Variants in FRMD4A observed in about 807,000 individuals in gnomAD.
FRMD4A encodes the protein FERM domain containing 4A.
Under a neutral mutation model 129.1 loss-of-function variants are expected in FRMD4A, and 29 were observed. That is an observed-to-expected ratio of 0.22 (90% CI 0.17 to 0.31). The LOEUF (loss-of-function observed/expected upper bound fraction) is 0.31, where lower values mean the gene tolerates loss of function less well. Ranked by LOEUF, FRMD4A falls within the 10% of genes least tolerant of loss-of-function variation. The pLI, the probability that FRMD4A is intolerant of heterozygous loss-of-function variation, is 1.00. For synonymous variants in FRMD4A, 634 were observed against 571.6 expected, an observed-to-expected ratio of 1.11 and a Z score of -1.56; for missense variants, 1,272 against 1,375.8, an observed-to-expected ratio of 0.92 and a Z score of 1.19.
At chr10:13,780,822 A>C (rs1332971356) in intron 6 of FRMD4A, among the ~76,000 whole-genome samples, 1 of 152,228 alleles carries the variant, frequency 6.6e-6, no homozygotes, top group Admixed American at 6.5e-5. Context: ...ATGATCTGGC[A>C]ATACCACCTA....
At chr10:14,187,185 A>T (rs1345491001) in intron 2 of FRMD4A, among the ~76,000 whole-genome samples, 1 of 151,554 alleles carries the variant, frequency 6.6e-6, no homozygotes, top group African/African-American at 2.4e-5. Flanking sequence ...GGAGGGCGAC[A>T]CTCTTCCTTA....
At chr10:14,040,900 GAGA>G (rs1833753921) in intron 2 of FRMD4A, among the ~76,000 whole-genome samples, 1 of 152,200 alleles carries the variant, frequency 6.6e-6, no homozygotes. Context: ...TACAGGGTGT[GAGA>G]AGAAGGAAGG....
chr10:13,827,737 T>C (rs1009525976), intron 3 of FRMD4A, among the ~76,000 whole-genome samples: 1 of 152,152 alleles, frequency 6.6e-6, no homozygotes, highest in Non-Finnish European at 1.5e-5. Flanking sequence ...TCTGTAAGTC[T>C]GCCAGGAAGC....
chr10:14,030,988 G>C (rs1833214303), intron 2 of FRMD4A, among the ~76,000 whole-genome samples: 1 of 152,224 alleles, frequency 6.6e-6, no homozygotes, highest in African/African-American at 2.4e-5. Context: ...GCAGGGAAAT[G>C]AGTGTCAGGC....
intron 2 of FRMD4A, among the ~76,000 whole-genome samples, chr10:14,058,262 T>A (rs556452245): frequency 1.3e-5 from 2 of 152,288 alleles, no homozygotes; most frequent in Non-Finnish European, 2.9e-5. Context: ...TCATTTAGGG[T>A]CAATCTGAAG....
intron 5 of FRMD4A, among the ~76,000 whole-genome samples, chr10:13,784,495 A>G (rs1919456): frequency 0.29 from 44,802 of 152,112 alleles, 7,383 homozygotes; most frequent in East Asian, 0.52. Context: ...TTAATTTAAA[A>G]ATGAATTCTT....
At chr10:14,048,580 C>A (rs1274237156) in intron 2 of FRMD4A, among the ~76,000 whole-genome samples, 2 of 151,924 alleles carry the variant, frequency 1.3e-5, no homozygotes, top group Non-Finnish European at 2.9e-5. Context: ...CGAAGGCAGG[C>A]GGATCACTTG....
intron 13 of FRMD4A, among the ~76,000 whole-genome samples, chr10:13,703,102 T>C (rs1317272891): frequency 6.6e-6 from 1 of 152,088 alleles, no homozygotes; most frequent in East Asian, 1.9e-4. Context: ...GAATGACTTT[T>C]TTTTCCCCCC....
chr10:13,729,259 G>C (rs2090153511), intron 12 of FRMD4A: 1 of 152,322 alleles, frequency 6.6e-6, no homozygotes, highest in African/African-American at 2.4e-5. Flanking sequence ...AGAATGCTGA[G>C]TGCATTAAGT....
At chr10:13,927,172 G>A (rs1229544300) in intron 2 of FRMD4A, among the ~76,000 whole-genome samples, 3 of 151,926 alleles carry the variant, frequency 2.0e-5, no homozygotes, top group East Asian at 1.9e-4. Flanking sequence ...CAGGAGAATC[G>A]CTTGAACCCG....
At chr10:14,071,556 A>G (rs1000483592) in intron 2 of FRMD4A, among the ~76,000 whole-genome samples, 1 of 152,240 alleles carries the variant, frequency 6.6e-6, no homozygotes, top group African/African-American at 2.4e-5. Flanking sequence ...ATTTAGGAAG[A>G]AAAAAAGACC....
chr10:13,878,269 C>T (rs2094509083), intron 2 of FRMD4A, among the ~76,000 whole-genome samples: 1 of 142,326 alleles, frequency 7.0e-6, no homozygotes, highest in Admixed American at 7.1e-5. Context: ...AGTGTTTGGG[C>T]TGTTTCCATG....
At chr10:13,741,674 C>T (rs2091014010) in intron 9 of FRMD4A, among the ~76,000 whole-genome samples, 1 of 152,134 alleles carries the variant, frequency 6.6e-6, no homozygotes, top group Non-Finnish European at 1.5e-5. Context: ...GTGCCCACAG[C>T]CTACCTGCTC....
chr10:14,142,161 T>C (rs969259254), intron 2 of FRMD4A, among the ~76,000 whole-genome samples: 2 of 151,732 alleles, frequency 1.3e-5, no homozygotes, highest in Non-Finnish European at 2.9e-5. Flanking sequence ...GTTTTTTTTT[T>C]GTTGTTTTGT....
chr10:14,027,959 C>T lies in FRMD4A; in HGVS notation c.46-169047G>A, dbSNP rs543667138. 1.1e-4 allele frequency among the ~76,000 whole-genome samples: 16 copies of T among 152,102 alleles called. No individual in the cohort carries two copies. The South Asian group carries it at 3.3e-3, about 32-fold the overall frequency. ...TGAGCCACTTGGAGTAACTGGGTACCAGGGAGGAAGTAGAACCACACCAGT... is the reference window on the plus strand; with the variant it reads ...TGAGCCACTTGGAGTAACTGGGTACTAGGGAGGAAGTAGAACCACACCAGT... On this transcript the variant is annotated intron_variant, in intron 2 of 24. Coordinates refer to ENST00000357447, the MANE Select transcript of FRMD4A (RefSeq NM_018027.5).
intron 17 of FRMD4A, among the ~76,000 whole-genome samples, chr10:13,667,015 G>T (rs1021120206): frequency 1.0e-4 from 15 of 148,274 alleles, no homozygotes; most frequent in Non-Finnish European, 1.9e-4. Context: ...AGGTTCAAAT[G>T]ATTCTCCTGC....
chr10:13,829,253 G>T (rs1588932540), intron 3 of FRMD4A, among the ~76,000 whole-genome samples: 1 of 152,152 alleles, frequency 6.6e-6, no homozygotes, highest in African/African-American at 2.4e-5. Context: ...GGCAGGGCAT[G>T]GTGGCTCACA....
intron 13 of FRMD4A, among the ~76,000 whole-genome samples, chr10:13,702,615 G>A (rs1383138565): frequency 1.3e-5 from 2 of 151,882 alleles, no homozygotes; most frequent in African/African-American, 2.4e-5. Flanking sequence ...TGGGATTTGG[G>A]GCATTTTACA....
At chr10:13,978,124 G>T (rs1453697036) in intron 2 of FRMD4A, among the ~76,000 whole-genome samples, 1 of 152,202 alleles carries the variant, frequency 6.6e-6, no homozygotes, top group Admixed American at 6.5e-5. Flanking sequence ...AGTGTGTGAA[G>T]GTTCCAATTT....
Sources: allele counts gnomAD v4.1 joint callset (sites outside exome capture counted in the v4.1 genomes callset), GRCh38; gene constraint gnomAD v4.1.1; transcripts MANE v1.5; gene names NCBI Gene and HGNC (gene_info 2026-07-23, HGNC 2026-07-21).